SLC24A2: variants seen among roughly 807,000 people sequenced by gnomAD.
The protein encoded by SLC24A2 is sodium/potassium/calcium exchanger 2.
A neutral mutation model predicts 62.0 loss-of-function variants in SLC24A2; 36 were observed. The ratio of observed to expected loss-of-function variants is 0.58; its 90% confidence interval spans 0.44 to 0.77. The LOEUF is 0.77. Ranked by LOEUF, SLC24A2 falls within the 30% of genes least tolerant of loss-of-function variation. SLC24A2 has a pLI of 0.00. For synonymous variants in SLC24A2, 358 were observed against 294.0 expected (o/e 1.22, Z -2.23); for missense variants, 846 against 817.9 (o/e 1.03, Z -0.42).
chr9:20,270,295 T>C, the SLC24A2 span, among the ~76,000 whole-genome samples: 22 of 152,192 alleles, frequency 1.4e-4, no homozygotes, highest in Non-Finnish European at 2.8e-4. Flanking sequence ...ACCATAGCAC[T>C]GCCCTTCCAT....
the SLC24A2 span, among the ~76,000 whole-genome samples, chr9:19,958,703 A>C: frequency 1.3e-5 from 2 of 152,224 alleles, no homozygotes; most frequent in Admixed American, 1.3e-4. Flanking sequence ...TGGAACATCA[A>C]ATAGTCTTTG....
chr9:19,758,163 G>A (rs373065757), intron 2 of SLC24A2, among the ~76,000 whole-genome samples: 12 of 152,196 alleles, frequency 7.9e-5, no homozygotes, highest in African/African-American at 2.9e-4. Context: ...TGATCACTGC[G>A]TCTATGCTAG....
the SLC24A2 span, among the ~76,000 whole-genome samples, chr9:20,194,520 C>T: frequency 6.6e-6 from 1 of 152,112 alleles, no homozygotes; most frequent in South Asian, 2.1e-4. Flanking sequence ...AAATCTCATT[C>T]AAAATATTTA....
At chr9:19,827,771 G>T in the SLC24A2 span, among the ~76,000 whole-genome samples, 1 of 152,022 alleles carries the variant, frequency 6.6e-6, no homozygotes, top group East Asian at 1.9e-4. Flanking sequence ...CACCTTTTCT[G>T]CTTATTAGCT....
intron 2 of SLC24A2, among the ~76,000 whole-genome samples, chr9:19,695,575 G>A (rs1199434017): frequency 6.8e-6 from 1 of 147,172 alleles, no homozygotes; most frequent in Non-Finnish European, 1.5e-5. Flanking sequence ...AAACCCACGT[G>A]AAACCCAGCA....
chr9:19,918,516 T>C, the SLC24A2 span, among the ~76,000 whole-genome samples: 2 of 152,124 alleles, frequency 1.3e-5, no homozygotes, highest in Non-Finnish European at 2.9e-5. Context: ...CACTCTCCTT[T>C]CCACATCTCT....
At chr9:19,837,279 C>T in the SLC24A2 span, among the ~76,000 whole-genome samples, 2 of 150,516 alleles carry the variant, frequency 1.3e-5, no homozygotes, top group African/African-American at 2.4e-5. Flanking sequence ...GGTGAAACCC[C>T]GTCTCTACTA....
the SLC24A2 span, among the ~76,000 whole-genome samples, chr9:19,805,891 G>A: frequency 6.6e-6 from 1 of 151,052 alleles, no homozygotes; most frequent in Non-Finnish European, 1.5e-5. Flanking sequence ...GGGCAAGTGT[G>A]GGTCCCTGAG....
At chr9:20,189,119 C>G in the SLC24A2 span, among the ~76,000 whole-genome samples, 1 of 136,212 alleles carries the variant, frequency 7.3e-6, no homozygotes, top group African/African-American at 2.8e-5. Flanking sequence ...TTAGAGAGTT[C>G]CAGGAGAAAA....
the SLC24A2 span, among the ~76,000 whole-genome samples, chr9:19,876,363 GGCGTGTGT>G: frequency 3.1e-4 from 35 of 114,660 alleles, no homozygotes; most frequent in African/African-American, 1.1e-3. Context: ...GTTTATTGAA[GGCGTGTGT>G]GTGTGTGTGT....
At chr9:20,184,866 A>T in the SLC24A2 span, among the ~76,000 whole-genome samples, 1 of 152,210 alleles carries the variant, frequency 6.6e-6, no homozygotes, top group African/African-American at 2.4e-5. Flanking sequence ...TGTCCATCAC[A>T]GATGAATGGA....
At chr9:19,876,771 T>C in the SLC24A2 span, among the ~76,000 whole-genome samples, 1 of 152,102 alleles carries the variant, frequency 6.6e-6, no homozygotes, top group African/African-American at 2.4e-5. Flanking sequence ...AAACACAAAG[T>C]GAGTCATGTT....
At chr9:20,192,514 A>AGAT in the SLC24A2 span, among the ~76,000 whole-genome samples, 1 of 152,298 alleles carries the variant, frequency 6.6e-6, no homozygotes, top group East Asian at 1.9e-4. Context: ...TTAGAAATGC[A>AGAT]GATTCCTAGA....
chr9:19,880,970 G>A, the SLC24A2 span, among the ~76,000 whole-genome samples: 2 of 152,126 alleles, frequency 1.3e-5, no homozygotes, highest in African/African-American at 4.8e-5. Context: ...TACTAGCTGT[G>A]GCCCTGGGCA....
At chr9:20,202,831 AT>A in the SLC24A2 span, among the ~76,000 whole-genome samples, 2 of 152,236 alleles carry the variant, frequency 1.3e-5, no homozygotes, top group Non-Finnish European at 2.9e-5. Flanking sequence ...CTTAGTAGGT[AT>A]TAACATAGAA....
chr9:20,030,363 T>C, the SLC24A2 span, among the ~76,000 whole-genome samples: 1 of 152,200 alleles, frequency 6.6e-6, no homozygotes, highest in Non-Finnish European at 1.5e-5. Flanking sequence ...GAAGGGGAAG[T>C]CATATCTGAG....
intron 2 of SLC24A2, among the ~76,000 whole-genome samples, chr9:19,686,626 G>A (rs1229676714): frequency 6.6e-6 from 1 of 151,958 alleles, no homozygotes; most frequent in East Asian, 1.9e-4. Flanking sequence ...GTTTTATAAG[G>A]GGCTTTCTTC....
chr9:19,678,950 G>C (rs544984761), intron 2 of SLC24A2, among the ~76,000 whole-genome samples: 1 of 152,208 alleles, frequency 6.6e-6, no homozygotes, highest in Non-Finnish European at 1.5e-5. Context: ...CAAAAGACAC[G>C]CAAGTGAAGA....
the SLC24A2 span, among the ~76,000 whole-genome samples, chr9:20,170,157 A>G: frequency 6.6e-6 from 1 of 151,922 alleles, no homozygotes; most frequent in African/African-American, 2.4e-5. Context: ...AAAGAATAAG[A>G]AGACATGAAC....
Sources: gnomAD v4.1 joint callset for allele counts (sites outside exome capture counted in the v4.1 genomes callset) on GRCh38, gnomAD v4.1.1 for gene constraint, MANE v1.5 for transcripts, NCBI Gene and HGNC (gene_info 2026-07-23, HGNC 2026-07-21) for gene names.